The following C1orf21 variants were observed in gnomAD, a reference collection of about 807,000 sequenced individuals.
C1orf21 encodes chromosome 1 open reading frame 21, also known as uncharacterized protein C1orf21.
A neutral mutation model predicts 18.7 loss-of-function variants in C1orf21; 3 were observed. The ratio of observed to expected loss-of-function variants is 0.16; its 90% CI spans 0.07 to 0.42. The LOEUF (loss-of-function observed/expected upper bound fraction) is 0.42. C1orf21 is among the 10% of genes least tolerant of loss of function. C1orf21 has a pLI of 0.99. For synonymous variants in C1orf21, 41 were observed against 46.4 expected (o/e 0.88, Z 0.47); for missense variants, 104 against 143.6 (o/e 0.72, Z 1.41).
At chr1:184,534,150 A>G (rs1309692966) in intron 3 of C1orf21, among the ~76,000 whole-genome samples, 1 of 152,130 alleles carries the variant, frequency 6.6e-6, no homozygotes, top group Non-Finnish European at 1.5e-5. Flanking sequence ...GTCATTGCAT[A>G]GTTTATAGAG....
intron 1 of C1orf21, among the ~76,000 whole-genome samples, chr1:184,461,291 T>A (rs543237440): frequency 2.6e-5 from 4 of 152,294 alleles, no homozygotes; most frequent in African/African-American, 9.6e-5. Flanking sequence ...GTGGTTGAGT[T>A]GGAGGGAGAA....
chr1:184,399,604 C>T (rs1656117626), intron 1 of C1orf21, among the ~76,000 whole-genome samples: 1 of 152,120 alleles, frequency 6.6e-6, no homozygotes, highest in Non-Finnish European at 1.5e-5. Context: ...ATCTGCCCAC[C>T]TTTGGCTCCC....
At chr1:184,553,650 G>T (rs1010380710) in intron 3 of C1orf21, among the ~76,000 whole-genome samples, 1 of 152,154 alleles carries the variant, frequency 6.6e-6, no homozygotes, top group African/African-American at 2.4e-5. Flanking sequence ...TCAGCATCAT[G>T]TTCTGCTGAG....
At chr1:184,602,465 C>G (rs563499186) in intron 5 of C1orf21, among the ~76,000 whole-genome samples, 2 of 152,196 alleles carry the variant, frequency 1.3e-5, no homozygotes, top group Non-Finnish European at 1.5e-5. Context: ...TGCTATCTAA[C>G]CATCGTTATT....
chr1:184,388,322 A>G lies in C1orf21; in HGVS notation c.-125+954A>G, dbSNP rs910918779. Reference sequence around the variant, plus strand: ...CATGGCCAAAGATAAAAATATGCACACATAAACACGCATTAATTCTGAGAG... The same window carrying G: ...CATGGCCAAAGATAAAAATATGCACGCATAAACACGCATTAATTCTGAGAG... On this transcript the variant is annotated intron_variant, in intron 1 of 5. Coordinates refer to ENST00000235307, the MANE Select transcript of C1orf21 (RefSeq NM_030806.4). 3.9e-5 allele frequency among the ~76,000 whole-genome samples: 6 copies of G among 152,322 alleles called. No homozygotes were observed. The East Asian group carries it at 1.2e-3, about 29-fold the overall frequency.
chr1:184,401,645 A>G (rs1342787908), intron 1 of C1orf21, among the ~76,000 whole-genome samples: 1 of 152,110 alleles, frequency 6.6e-6, no homozygotes, highest in Non-Finnish European at 1.5e-5. Flanking sequence ...TGGTGCAGTC[A>G]GTATTATCAG....
chr1:184,564,275 G>T (rs2101987232), intron 3 of C1orf21, among the ~76,000 whole-genome samples: 1 of 152,084 alleles, frequency 6.6e-6, no homozygotes, highest in East Asian at 1.9e-4. Flanking sequence ...ACAGCTGTTG[G>T]TCTTACAGAA....
intron 3 of C1orf21, among the ~76,000 whole-genome samples, chr1:184,550,971 G>A (rs1362458960): frequency 6.6e-6 from 1 of 152,200 alleles, no homozygotes; most frequent in Non-Finnish European, 1.5e-5. Flanking sequence ...TTTTAGAGAG[G>A]ATAGCTAGGA....
chr1:184,563,421 T>A (rs940910754), intron 3 of C1orf21, among the ~76,000 whole-genome samples: 1 of 152,178 alleles, frequency 6.6e-6, no homozygotes, highest in Non-Finnish European at 1.5e-5. Flanking sequence ...TAATTAAAAA[T>A]TACAAGCTCA....
At chr1:184,560,218 AT>A (rs1658943022) in intron 3 of C1orf21, among the ~76,000 whole-genome samples, 1 of 152,182 alleles carries the variant, frequency 6.6e-6, no homozygotes, top group Non-Finnish European at 1.5e-5. Context: ...AGTTGAAGAG[AT>A]TAAAAAAAAG....
chr1:184,447,510 T>C (rs1211702298), intron 1 of C1orf21, among the ~76,000 whole-genome samples: 2 of 152,174 alleles, frequency 1.3e-5, no homozygotes, highest in Non-Finnish European at 1.5e-5. Flanking sequence ...TATCTCCACC[T>C]AACAACTCAA....
At chr1:184,435,393 G>T (rs1656841607) in intron 1 of C1orf21, among the ~76,000 whole-genome samples, 1 of 152,176 alleles carries the variant, frequency 6.6e-6, no homozygotes, top group Admixed American at 6.5e-5. Context: ...GCCCAGCCTG[G>T]AGTGCAGTGG....
chr1:184,562,622 T>G (rs905890501), intron 3 of C1orf21, among the ~76,000 whole-genome samples: 3 of 152,202 alleles, frequency 2.0e-5, no homozygotes, highest in Non-Finnish European at 4.4e-5. Flanking sequence ...TGGTAAATTG[T>G]CATTTGTCTA....
At chr1:184,408,422 A>G (rs1160086878) in intron 1 of C1orf21, 1 of 152,204 alleles carries the variant, frequency 6.6e-6, no homozygotes, top group East Asian at 1.9e-4. Context: ...AAGGTGAGTG[A>G]ATTTATTCTG....
At chr1:184,597,274 T>C (rs1258814941) in intron 4 of C1orf21, among the ~76,000 whole-genome samples, 2 of 152,226 alleles carry the variant, frequency 1.3e-5, no homozygotes, top group Non-Finnish European at 2.9e-5. Flanking sequence ...GATATGTACA[T>C]TGTTTTCCTT....
intron 1 of C1orf21, among the ~76,000 whole-genome samples, chr1:184,475,270 A>T (rs1657552605): frequency 6.6e-6 from 1 of 152,174 alleles, no homozygotes; most frequent in Non-Finnish European, 1.5e-5. Flanking sequence ...TCCTTTATTC[A>T]GTTGAATGAA....
intron 1 of C1orf21, among the ~76,000 whole-genome samples, chr1:184,413,569 C>T (rs1656394882): frequency 6.6e-6 from 1 of 152,188 alleles, no homozygotes; most frequent in African/African-American, 2.4e-5. Context: ...TAGCTCTGGT[C>T]AGACCTGACT....
In C1orf21 at chr1:184,578,760, A is replaced by G. The variant is rs118150274; in HGVS notation, c.190-11979A>G. Among the ~76,000 whole-genome samples, 3 of 152,332 alleles carry G rather than the reference A, an allele frequency of 2.0e-5. No homozygotes were observed. In the East Asian group the frequency reaches 5.8e-4, roughly 29 times the overall value. On this transcript the variant is annotated intron_variant, in intron 3 of 5. Coordinates refer to ENST00000235307, the MANE Select transcript of C1orf21 (RefSeq NM_030806.4). ...GTTAGATAGTTCTGTGATCAAGAAT[A>G]CATACATATTTTATTAATTAGCATT...
At chr1:184,537,593 T>C (rs1658577548) in intron 3 of C1orf21, among the ~76,000 whole-genome samples, 1 of 152,202 alleles carries the variant, frequency 6.6e-6, no homozygotes, top group Non-Finnish European at 1.5e-5. Flanking sequence ...TTGTGAATAA[T>C]GCTGCTTTGA....
Sources: gnomAD v4.1 joint callset for allele counts (sites outside exome capture counted in the v4.1 genomes callset) on GRCh38, gnomAD v4.1.1 for gene constraint, MANE v1.5 for transcripts, NCBI Gene and HGNC (gene_info 2026-07-23, HGNC 2026-07-21) for gene names.